Variants in CARS2 observed in about 807,000 individuals in gnomAD.
The protein encoded by CARS2 is cysteinyl-tRNA synthetase 2, mitochondrial, also known as probable cysteine--tRNA ligase, mitochondrial.
A neutral mutation model predicts 68.8 loss-of-function variants in CARS2; 52 were observed. The observed-to-expected ratio is 0.76, with a 90% confidence interval of 0.61 to 0.95. The LOEUF (loss-of-function observed/expected upper bound fraction) is 0.95, where lower values mean the gene tolerates loss of function less well. Among genes scored for constraint, CARS2 ranks in the 40% least tolerant of loss-of-function variants. The pLI, the probability that CARS2 is intolerant of heterozygous loss-of-function variation, is 0.00. For missense variants in CARS2, 780 were observed against 754.2 expected (o/e 1.03, Z -0.40); for synonymous variants, 314 against 303.6 (o/e 1.03, Z -0.36).
intron 6 of CARS2, among the ~76,000 whole-genome samples, chr13:110,681,045 C>T (rs1047607238): frequency 2.0e-5 from 3 of 152,314 alleles, no homozygotes; most frequent in Middle Eastern, 3.4e-3. Flanking sequence ...CTCCACTGAA[C>T]ACAAATTCAC....
rs766344884 is a variant in CARS2, at chr13:110,641,536, C to T, written c.*1G>A. On this transcript the variant is annotated 3_prime_UTR_variant, in exon 15 of 15. Coordinates refer to ENST00000257347, the MANE Select transcript of CARS2 (RefSeq NM_024537.4). ...AGCAGGTTCATGGCTGTGCTCCATC[C>T]TCAGCCCGCTGATTTTTGGTCTTTT... 2 of 1,612,772 alleles carry T rather than the reference C, an allele frequency of 1.2e-6. No individual in the cohort carries two copies. The highest frequency in any genetic ancestry group is 2.2e-5 in the South Asian group (2 of 91,056).
At chr13:110,666,086 C>G in intron 8 of CARS2, 2 of 985,278 alleles carry the variant, frequency 2.0e-6, no homozygotes, top group Non-Finnish European at 2.4e-6. Flanking sequence ...TTCAGAAGTC[C>G]TTGGGCCACG....
intron 9 of CARS2, among the ~76,000 whole-genome samples, chr13:110,660,684 A>G (rs1250756535): frequency 6.6e-6 from 1 of 152,050 alleles, no homozygotes; most frequent in Non-Finnish European, 1.5e-5. Context: ...TCAGTAAACC[A>G]TGCTGTAAAT....
At chr13:110,657,375 A>G (rs2062398047) in intron 9 of CARS2, among the ~76,000 whole-genome samples, 1 of 152,166 alleles carries the variant, frequency 6.6e-6, no homozygotes, top group African/African-American at 2.4e-5. Flanking sequence ...TTCCCCTCAA[A>G]GGCAGGGTGG....
At chr13:110,666,014 G>C in intron 8 of CARS2, 3 of 985,238 alleles carry the variant, frequency 3.0e-6, no homozygotes, top group Non-Finnish European at 2.4e-6. Context: ...CTCTGTGCCT[G>C]AGACACAGTG....
rs1481737365 is a variant in CARS2 at position 110,665,273 on chromosome 13, C to A, written c.920-1755G>T. The A allele has an allele frequency of 1.4e-6, 1 of 690,494 alleles. No homozygotes were observed. The highest frequency in any genetic ancestry group is 1.8e-6 in the Non-Finnish European group (1 of 560,860). The allele number at this position is 690,494 out of a possible 1,614,324, so 42.8% of individuals were successfully genotyped here. Reference sequence around the variant, plus strand: ...CCAGCCTGGCCAACATGGTGAAACCCTGCTTCTACTAAAAATACAAAAATT... The same window carrying A: ...CCAGCCTGGCCAACATGGTGAAACCATGCTTCTACTAAAAATACAAAAATT... On this transcript the variant is annotated intron_variant, in intron 8 of 14. Coordinates refer to ENST00000257347, the MANE Select transcript of CARS2 (RefSeq NM_024537.4). This position sits in a 1 kb window ranked among gnomAD's most constrained non-coding sequence, Gnocchi z 4.3.
Position 110,670,554 on chromosome 13 carries a change from A to G in CARS2, c.786-3081T>C, listed in dbSNP as rs898102165. 1.3e-5 allele frequency among the ~76,000 whole-genome samples: 2 copies of G among 152,222 alleles called. No homozygotes were observed. The highest frequency in any genetic ancestry group is 2.9e-5 in the Non-Finnish European group (2 of 68,042). ...ACATCCACACCAAAACCCCATCTGT[A>G]TGTCACCACCATCAAAGACCAAAGG... On this transcript the variant is annotated intron_variant, in intron 7 of 14. Transcript: ENST00000257347. This position sits in a 1 kb window ranked among gnomAD's most constrained non-coding sequence, Gnocchi z 4.1.
chr13:110,682,997 C>T, intron 6 of CARS2, 54 bp downstream of exon 6: 1 of 1,292,798 alleles, frequency 7.7e-7, no homozygotes, highest in Non-Finnish European at 1.1e-6. Flanking sequence ...CTCCCCAGAG[C>T]TGAGACCCGA....
At chr13:110,700,986 T>C (rs964079040) in intron 3 of CARS2, among the ~76,000 whole-genome samples, 3 of 152,244 alleles carry the variant, frequency 2.0e-5, no homozygotes, top group Admixed American at 1.3e-4. Flanking sequence ...CACTGTTTCA[T>C]GTCTCAGATT....
chr13:110,669,331 G>A (rs1429606802), intron 7 of CARS2, among the ~76,000 whole-genome samples: 1 of 152,074 alleles, frequency 6.6e-6, no homozygotes, highest in Non-Finnish European at 1.5e-5. Flanking sequence ...GAGTCCTCGT[G>A]TGGGAGATAA....
At chr13:110,643,872 C>G in intron 13 of CARS2, 2 of 257,118 alleles carry the variant, frequency 7.8e-6, no homozygotes, top group South Asian at 3.9e-5. Flanking sequence ...TGAGTTACAA[C>G]GGAAGAGAAG....
At chr13:110,662,218 G>A (rs9588231) in intron 9 of CARS2, among the ~76,000 whole-genome samples, 41 of 97,542 alleles carry the variant, frequency 4.2e-4, no homozygotes, top group South Asian at 1.2e-3. Flanking sequence ...CCCCCTCTGC[G>A]TCATGCAACC....
intron 8 of CARS2, chr13:110,664,794 G>T: frequency 5.7e-6 from 2 of 351,538 alleles, no homozygotes; most frequent in Non-Finnish European, 8.0e-6. Context: ...GAGCCAGTGT[G>T]AATGGAATCA....
At chr13:110,693,109 CAAAAAAA>C (rs776745304) in intron 3 of CARS2, among the ~76,000 whole-genome samples, 3 of 59,450 alleles carry the variant, frequency 5.0e-5, no homozygotes, top group Admixed American at 2.4e-4. Context: ...GACTCTGTCT[CAAAAAAA>C]AAAAAAAAAA....
chr13:110,701,319 C>T (rs1378599959), intron 3 of CARS2, 119 bp downstream of exon 3: 14 of 632,354 alleles, frequency 2.2e-5, no homozygotes, highest in Admixed American at 1.2e-4. Flanking sequence ...CTGTCTTGGC[C>T]TCCCAAAGTG....
At chr13:110,713,120 C>G (rs572712703) in intron 1 of CARS2, 869 of 1,429,884 alleles carry the variant, frequency 6.1e-4, no homozygotes, top group Non-Finnish European at 7.6e-4. Flanking sequence ...AGTAAGAGTC[C>G]GGGGGGCATT....
In CARS2 at chr13:110,647,223, G is replaced by A. The variant is rs200826696; in HGVS notation, c.1071C>T (p.Asp357=). 3.1e-6 allele frequency: 5 copies of A among 1,613,002 alleles called. No homozygotes were observed. The highest frequency in any genetic ancestry group is 2.2e-5 in the East Asian group (1 of 44,880). Residue 357 remains aspartate, a synonymous_variant, in exon 11 of 15, where the codon GAC becomes GAT. Transcript: ENST00000257347. ...GCTGCTGAGCTTGGAGCATGGCGCT[G>A]TCACTGTAGTCGATGGCTGAGGAGG... The part of the protein sequence containing the change: ...SSYRSAIDYS[D]SAMLQAQQLL...
intron 9 of CARS2, among the ~76,000 whole-genome samples, chr13:110,660,763 C>CTTTTTTT (rs201474441): frequency 7.5e-6 from 1 of 132,844 alleles, no homozygotes; most frequent in Non-Finnish European, 1.6e-5. Context: ...TAGCATAATT[C>CTTTTTTT]TTTTTTTTTT....
chr13:110,642,025 A>G (rs1209711034), intron 14 of CARS2, among the ~76,000 whole-genome samples: 3 of 152,160 alleles, frequency 2.0e-5, no homozygotes, highest in Admixed American at 6.5e-5. Flanking sequence ...CACGTGGAGA[A>G]AACCTGTCTC....
Sources: allele counts gnomAD v4.1 joint callset (sites outside exome capture counted in the v4.1 genomes callset), GRCh38; gene constraint gnomAD v4.1.1; non-coding constraint Gnocchi (gnomAD v3.1); transcripts MANE v1.5; gene names NCBI Gene and HGNC (gene_info 2026-07-23, HGNC 2026-07-21).